Variants in EBF2 observed in about 807,000 individuals in gnomAD.
EBF2 encodes the protein EBF transcription factor 2.
A neutral mutation model predicts 72.8 loss-of-function variants in EBF2; 21 were observed. The ratio of observed to expected loss-of-function variants is 0.29; its 90% CI spans 0.20 to 0.42. EBF2 has a LOEUF of 0.42. Among genes scored for constraint, EBF2 ranks in the 10% least tolerant of loss-of-function variants. The pLI is 1.00. For missense variants in EBF2, 637 were observed against 731.2 expected, an observed-to-expected ratio of 0.87 and a Z score of 1.49; for synonymous variants, 299 against 274.2, an observed-to-expected ratio of 1.09 and a Z score of -0.89.
chr8:25,898,047 T>C (rs1212127042), intron 7 of EBF2, among the ~76,000 whole-genome samples: 1 of 152,200 alleles, frequency 6.6e-6, no homozygotes, highest in African/African-American at 2.4e-5. Flanking sequence ...TAGGAAACAT[T>C]GTCGCAGCCT....
chr8:25,871,210 T>C (rs1802434939), intron 10 of EBF2, among the ~76,000 whole-genome samples: 1 of 152,176 alleles, frequency 6.6e-6, no homozygotes, highest in South Asian at 2.1e-4. Context: ...TTTTCAGTCC[T>C]GGTATGAGCC....
rs1432661965 is a variant in EBF2, at chr8:25,914,108, C to A, written c.552-5553G>T. The stretch of plus-strand genomic sequence containing the variant: ...CGATTAGGCAATCCAAGCTCTCACA[C>A]CAGACTGAGAAGCCTACTGGGTGGC... On this transcript the variant is annotated intron_variant, in intron 6 of 15. Coordinates refer to ENST00000520164, the MANE Select transcript of EBF2 (RefSeq NM_022659.4). Among the ~76,000 whole-genome samples, 3 of 152,280 alleles carry A rather than the reference C, an allele frequency of 2.0e-5. No individual in the cohort carries two copies. In the East Asian group the frequency reaches 5.8e-4, roughly 29 times the overall value.
intron 15 of EBF2, among the ~76,000 whole-genome samples, chr8:25,844,938 C>T (rs1409986230): frequency 6.6e-6 from 1 of 152,168 alleles, no homozygotes; most frequent in East Asian, 1.9e-4. Flanking sequence ...CAGATGTAAA[C>T]ATGTAAACTA....
chr8:26,044,798 G>A lies in EBF2; in HGVS notation c.62C>T (p.Ala21Val). ...GPTLKEKSLGAEMDSVRSWVR... is the reference protein window; with the variant it reads ...GPTLKEKSLGVEMDSVRSWVR... ...CCAGGACCTGACCGAATCCATCTCC[G>A]CGCCCAGCGATTTCTCTTTCAGAGT... The change falls in exon 1 of 16, where the codon GCG (alanine) becomes GTG (valine). Residue 21 changes from alanine (A) to valine (V), a missense_variant. Ala to Val is a moderately conservative substitution (Grantham distance 64). Around this residue, in one of 3 missense-constraint regions of EBF2, gnomAD observed 174 missense variants for 161.9 expected, o/e 1.07. Coordinates refer to ENST00000520164, the MANE Select transcript of EBF2 (RefSeq NM_022659.4). This position sits in a 1 kb window ranked among gnomAD's most constrained non-coding sequence, Gnocchi z 4.1. 1.9e-6 allele frequency: 3 copies of A among 1,614,098 alleles called. No individual in the cohort carries two copies. Among genetic ancestry groups the A allele is most frequent in the Non-Finnish European group, 2.5e-6 (3 of 1,180,014 alleles).
intron 6 of EBF2, among the ~76,000 whole-genome samples, chr8:25,981,288 C>T (rs981856652): frequency 1.3e-5 from 2 of 152,108 alleles, no homozygotes; most frequent in African/African-American, 2.4e-5. Context: ...CAGATTCCTG[C>T]CCCCATCCCA....
At chr8:25,928,603 G>A (rs1459160270) in intron 6 of EBF2, among the ~76,000 whole-genome samples, 3 of 151,904 alleles carry the variant, frequency 2.0e-5, no homozygotes, top group East Asian at 1.9e-4. Context: ...CTACCAATAC[G>A]TGCCTGTTAC....
intron 6 of EBF2, among the ~76,000 whole-genome samples, chr8:26,005,278 AT>A (rs1211733864): frequency 4.3e-3 from 1 of 232 alleles, no homozygotes; most frequent in East Asian, 0.5. Flanking sequence ...AATATATATA[AT>A]TATATAATTA....
rs75756406 is a variant in EBF2, at chr8:26,008,349, G to A, written c.551+24736C>T. On this transcript the variant is annotated intron_variant, in intron 6 of 15. Coordinates refer to ENST00000520164, the MANE Select transcript of EBF2 (RefSeq NM_022659.4). ...TTTGACCAATAATACTGCAAAACAC[G>A]TCCTGCCTTGATCACTGTGAGAAGC... Among the ~76,000 whole-genome samples, 706 of 152,102 alleles carry A rather than the reference G, an allele frequency of 4.6e-3. 11 individuals carry two copies. Among genetic ancestry groups the A allele is most frequent in the African/African-American group, 0.016 (676 of 41,466 alleles).
chr8:25,897,355 CT>C (rs1344730253), intron 7 of EBF2, among the ~76,000 whole-genome samples: 2 of 148,220 alleles, frequency 1.3e-5, no homozygotes, highest in Non-Finnish European at 3.0e-5. Flanking sequence ...TTTTTTTTTT[CT>C]TGTGTAATTT....
chr8:25,931,725 CT>C (rs1241852958), intron 6 of EBF2, among the ~76,000 whole-genome samples: 2 of 152,050 alleles, frequency 1.3e-5, no homozygotes, highest in Non-Finnish European at 2.9e-5. Flanking sequence ...TACAAGGGGA[CT>C]ATTTTGCTTG....
intron 6 of EBF2, among the ~76,000 whole-genome samples, chr8:25,985,576 C>T (rs999090896): frequency 6.6e-6 from 1 of 152,176 alleles, no homozygotes; most frequent in African/African-American, 2.4e-5. Context: ...CTCTGTAAAA[C>T]AAAGTGTTGG....
At chr8:25,854,346 C>G (rs1356628780) in intron 14 of EBF2, among the ~76,000 whole-genome samples, 1 of 152,028 alleles carries the variant, frequency 6.6e-6, no homozygotes, top group African/African-American at 2.4e-5. Flanking sequence ...ATCTCTGTTC[C>G]CCATTCTTAT....
chr8:25,915,612 A>AG (rs1803201417), intron 6 of EBF2, among the ~76,000 whole-genome samples: 1 of 151,386 alleles, frequency 6.6e-6, no homozygotes. Context: ...CTTTTGGAAA[A>AG]AAAAAAAAAA....
intron 5 of EBF2, among the ~76,000 whole-genome samples, chr8:26,039,154 G>A (rs557399930): frequency 6.6e-6 from 1 of 152,050 alleles, no homozygotes; most frequent in South Asian, 2.1e-4. Context: ...ACCGATACCG[G>A]GCACACGTTA....
At chr8:25,887,727 G>C (rs1326468822) in intron 9 of EBF2, 115 bp downstream of exon 9, 2 of 1,240,272 alleles carry the variant, frequency 1.6e-6, no homozygotes, top group African/African-American at 3.0e-5. Flanking sequence ...AGAAACCCAT[G>C]CCTGATTTAC....
chr8:25,908,569 G>T lies in EBF2; in HGVS notation c.552-14C>A, dbSNP rs750354342. On this transcript the variant is annotated splice_polypyrimidine_tract_variant and intron_variant, in intron 6 of 15. Transcript: ENST00000520164. ...TTTAAAAAGAATCTGTGAAGAGAAA[G>T]CGATGTGTTACATTTTTCAGTAAAC... 2 of 1,551,838 alleles carry T rather than the reference G, an allele frequency of 1.3e-6. No homozygotes were observed. Among genetic ancestry groups the T allele is most frequent in the Non-Finnish European group, 1.8e-6 (2 of 1,132,764 alleles).
At chr8:25,947,103 C>T (rs1331882860) in intron 6 of EBF2, among the ~76,000 whole-genome samples, 1 of 152,182 alleles carries the variant, frequency 6.6e-6, no homozygotes, top group Admixed American at 6.5e-5. Flanking sequence ...CCATGACCCA[C>T]TGATATGGTT....
intron 5 of EBF2, among the ~76,000 whole-genome samples, chr8:26,035,625 C>T (rs1805488552): frequency 6.6e-6 from 1 of 152,162 alleles, no homozygotes; most frequent in South Asian, 2.1e-4. Context: ...TTGAGAGATG[C>T]TTAAACATTT....
chr8:26,028,641 A>G (rs17054777), intron 6 of EBF2, among the ~76,000 whole-genome samples: 20,013 of 152,212 alleles, frequency 0.13, 1,677 homozygotes, highest in East Asian at 0.41. Context: ...AACCTGCCAG[A>G]TAGAGAAGAG....
Sources: gnomAD v4.1 joint callset for allele counts (sites outside exome capture counted in the v4.1 genomes callset) on GRCh38, gnomAD v4.1.1 for gene constraint, gnomAD v4.1.1 regional missense constraint, Gnocchi (gnomAD v3.1) non-coding constraint, MANE v1.5 for transcripts, NCBI Gene and HGNC (gene_info 2026-07-23, HGNC 2026-07-21) for gene names.